PDE1A: variants seen among roughly 807,000 people sequenced by gnomAD.
The protein encoded by PDE1A is phosphodiesterase 1A, also known as dual specificity calcium/calmodulin-dependent 3',5'-cyclic nucleotide phosphodiesterase 1A.
In PDE1A, 35 loss-of-function variants were observed where a neutral mutation model predicts 61.7. The observed-to-expected ratio is 0.57, with a 90% CI of 0.43 to 0.75. The LOEUF (loss-of-function observed/expected upper bound fraction) is 0.75, where lower values mean the gene tolerates loss of function less well. Ranked by LOEUF, PDE1A falls within the 30% of genes least tolerant of loss-of-function variation. The probability of loss-of-function intolerance (pLI) is 0.00; values close to 1 mark genes in which losing one functional copy is unlikely to be tolerated. For synonymous variants in PDE1A, 232 were observed against 213.2 expected, an observed-to-expected ratio of 1.09 and a Z score of -0.77; for missense variants, 597 against 630.6, an observed-to-expected ratio of 0.95 and a Z score of 0.57.
At chr2:182,273,178 A>T (rs905601726) in intron 1 of PDE1A, among the ~76,000 whole-genome samples, 1 of 152,130 alleles carries the variant, frequency 6.6e-6, no homozygotes, top group East Asian at 1.9e-4. Context: ...ATATCTTTTG[A>T]TAATTAAAAA....
intron 13 of PDE1A, among the ~76,000 whole-genome samples, chr2:182,158,308 A>G (rs1467744292): frequency 6.6e-6 from 1 of 152,202 alleles, no homozygotes; most frequent in Non-Finnish European, 1.5e-5. Flanking sequence ...ATCTCTAAAG[A>G]CTCATGTAAC....
chr2:182,582,612 A>T, the PDE1A span, among the ~76,000 whole-genome samples: 1 of 152,214 alleles, frequency 6.6e-6, no homozygotes, highest in Non-Finnish European at 1.5e-5. Context: ...GCCAAGGGGA[A>T]CAGCTCGTAC....
In PDE1A at chr2:182,186,068, A is replaced by G. The variant is rs145083118; in HGVS notation, c.1340T>C (p.Ile447Thr). Residue 447 changes from isoleucine to threonine, a missense_variant, in exon 13 of 14, where the codon ATT (isoleucine) becomes ACT (threonine). Ile to Thr is a moderately conservative substitution (Grantham distance 89, BLOSUM62 -1). Coordinates refer to ENST00000351439, the Ensembl canonical transcript of PDE1A. ...TGCATCAGCAATGTGTAACCCCACAATGGTGGTTGAGCTAACAGTAACAAC... is the reference window on the plus strand; with the variant it reads ...TGCATCAGCAATGTGTAACCCCACAGTGGTGGTTGAGCTAACAGTAACAAC... The G allele has an allele frequency of 3.8e-4, 614 of 1,613,600 alleles. 2 individuals are homozygous for G. The highest frequency in any genetic ancestry group is 4.9e-4 in the Non-Finnish European group (573 of 1,179,726).
chr2:182,281,359 T>G lies in PDE1A; in HGVS notation c.54-16945A>C, dbSNP rs1003390059. 1.2e-4 allele frequency among the ~76,000 whole-genome samples: 19 copies of G among 152,030 alleles called. No individual in the cohort carries two copies. In the South Asian group the frequency reaches 2.9e-3, roughly 23 times the overall value. ...ATGAGTGCTTTGTCTTAGTGATGTT[T>G]AAAAGAACCTTGCCTCTCAAAGAAA... is the stretch of plus-strand genomic sequence containing the variant. On this transcript the variant is annotated intron_variant, in intron 1 of 13. Coordinates refer to ENST00000351439, the Ensembl canonical transcript of PDE1A.
chr2:182,435,363 G>A (rs868272794), intron 2 of PDE1A, among the ~76,000 whole-genome samples: 6 of 151,980 alleles, frequency 3.9e-5, no homozygotes, highest in South Asian at 4.1e-4. Context: ...AACAGGGGTT[G>A]GAAGGATGAA....
chr2:182,511,057 G>T (rs956810564), intron 2 of PDE1A, among the ~76,000 whole-genome samples: 11 of 152,214 alleles, frequency 7.2e-5, no homozygotes, highest in African/African-American at 2.2e-4. Flanking sequence ...AGGAATTCTT[G>T]AATTCTGGAT....
the PDE1A span, among the ~76,000 whole-genome samples, chr2:182,541,559 A>C: frequency 6.6e-6 from 1 of 152,202 alleles, no homozygotes; most frequent in Non-Finnish European, 1.5e-5. Context: ...GGTGGAAGGA[A>C]ACATTCAATA....
intron 7 of PDE1A, among the ~76,000 whole-genome samples, chr2:182,212,457 C>T (rs1010634864): frequency 1.6e-4 from 24 of 152,238 alleles, no homozygotes; most frequent in African/African-American, 7.2e-5. Context: ...CAGCTCCCAG[C>T]GTGAGCGACG....
chr2:182,682,684 C>T, the PDE1A span, among the ~76,000 whole-genome samples: 1 of 152,210 alleles, frequency 6.6e-6, no homozygotes, highest in Non-Finnish European at 1.5e-5. Context: ...TCCCTCAAAA[C>T]TTTTACTATG....
intron 2 of PDE1A, among the ~76,000 whole-genome samples, chr2:182,432,507 A>G (rs1704006889): frequency 6.6e-6 from 1 of 152,082 alleles, no homozygotes; most frequent in African/African-American, 2.4e-5. Flanking sequence ...TAAGCTCTGG[A>G]AAGGCAGGGA....
chr2:182,286,960 T>G (rs906274081), intron 1 of PDE1A, among the ~76,000 whole-genome samples: 2 of 152,104 alleles, frequency 1.3e-5, no homozygotes, highest in African/African-American at 4.8e-5. Flanking sequence ...AATTGGATCA[T>G]CTCACTCTTA....
At chr2:182,453,233 G>T (rs968044321) in intron 2 of PDE1A, among the ~76,000 whole-genome samples, 1 of 151,800 alleles carries the variant, frequency 6.6e-6, no homozygotes, top group African/African-American at 2.4e-5. Context: ...CCTTTGTTTC[G>T]GCACTATCGT....
chr2:182,283,159 G>A (rs573214938), intron 1 of PDE1A, among the ~76,000 whole-genome samples: 2 of 152,118 alleles, frequency 1.3e-5, no homozygotes, highest in African/African-American at 2.4e-5. Context: ...CAAGGACTAG[G>A]AAATGTAATG....
intron 1 of PDE1A, among the ~76,000 whole-genome samples, chr2:182,420,907 G>A (rs981075386): frequency 6.6e-6 from 1 of 152,154 alleles, no homozygotes; most frequent in Non-Finnish European, 1.5e-5. Context: ...CCAAGTGGCC[G>A]TAATCAAATA....
chr2:182,653,341 C>T, the PDE1A span, among the ~76,000 whole-genome samples: 14 of 152,222 alleles, frequency 9.2e-5, no homozygotes, highest in South Asian at 2.7e-3. Context: ...CGCTATGTAT[C>T]GCTAATGATT....
intron 10 of PDE1A, among the ~76,000 whole-genome samples, chr2:182,190,442 C>T (rs1574627261): frequency 6.6e-6 from 1 of 152,176 alleles, no homozygotes; most frequent in Non-Finnish European, 1.5e-5. Context: ...TCAGCTGAAT[C>T]GCTGCTGTCT....
intron 1 of PDE1A, among the ~76,000 whole-genome samples, chr2:182,306,349 C>A (rs556415329): frequency 1.3e-5 from 2 of 152,186 alleles, no homozygotes; most frequent in East Asian, 3.9e-4. Context: ...GATACATACA[C>A]AGAAGTGGAA....
intron 2 of PDE1A, among the ~76,000 whole-genome samples, chr2:182,257,866 G>T (rs1470317585): frequency 6.6e-6 from 1 of 152,180 alleles, no homozygotes; most frequent in Non-Finnish European, 1.5e-5. Context: ...TTAAGTTGTA[G>T]ATTTTTGAAA....
At chr2:182,325,404 T>G (rs1447432168) in intron 1 of PDE1A, among the ~76,000 whole-genome samples, 1 of 152,058 alleles carries the variant, frequency 6.6e-6, no homozygotes, top group African/African-American at 2.4e-5. Flanking sequence ...ATACCAGATT[T>G]GGCAACAATT....
Sources: allele counts gnomAD v4.1 joint callset (sites outside exome capture counted in the v4.1 genomes callset), GRCh38; gene constraint gnomAD v4.1.1; transcripts MANE v1.5; gene names NCBI Gene and HGNC (gene_info 2026-07-23, HGNC 2026-07-21).